LGALS3BP: variants seen among roughly 807,000 people sequenced by gnomAD.
The protein encoded by LGALS3BP is galectin-3-binding protein.
A neutral mutation model predicts 22.9 loss-of-function variants in LGALS3BP; 25 were observed. That is an observed-to-expected ratio of 1.09 (90% CI 0.80 to 1.53). The LOEUF (loss-of-function observed/expected upper bound fraction) is 1.53. LGALS3BP is among the 40% of genes most tolerant of loss of function. The pLI, the probability that LGALS3BP is intolerant of heterozygous loss-of-function variation, is 0.00. For synonymous variants in LGALS3BP, 335 were observed against 331.1 expected, an observed-to-expected ratio of 1.01 and a Z score of -0.13; for missense variants, 718 against 752.0, an observed-to-expected ratio of 0.95 and a Z score of 0.53.
chr17:78,973,300 G>GAT lies in LGALS3BP; in HGVS notation c.377-79_377-78insAT, dbSNP rs1169933244. The GAT allele has an allele frequency of 7.1e-7, 1 of 1,406,476 alleles. No individual in the cohort carries two copies. The highest frequency in any genetic ancestry group is 9.3e-7 in the Non-Finnish European group (1 of 1,071,478). 87.1% of individuals were successfully genotyped at this position (1,406,476 alleles called of 1,614,324 possible). A position where few individuals can be genotyped will look rare whatever the true frequency, so the allele number is the denominator to read the frequency against. Reference sequence around the variant, plus strand: ...CTCTCTGGGGTCAGTGTCTTCATCTGAAAGTGAGGGATTTGTGGCTGCCTC... The same window carrying GAT: ...CTCTCTGGGGTCAGTGTCTTCATCTGATAAAGTGAGGGATTTGTGGCTGCCTC... On this transcript the variant is annotated intron_variant, in intron 4 of 5. Coordinates refer to ENST00000262776, the MANE Select transcript of LGALS3BP (RefSeq NM_005567.4). This position sits in a 1 kb window ranked among gnomAD's most constrained non-coding sequence, Gnocchi z 5.8.
Position 78,976,032 on chromosome 17 carries a change from G to T in LGALS3BP, c.177C>A (p.Ser59Arg). 1 of 1,612,760 alleles carries T rather than the reference G, an allele frequency of 6.2e-7. No homozygotes were observed. The highest frequency in any genetic ancestry group is 1.7e-5 in the Admixed American group (1 of 59,944). ...CDNLWDLTDA[S>R]VVCRALGFEN... ...CGAAGCCCAGGGCCCGGCAGACGAC[G>T]CTGGCATCAGTCAGGTCCCACAGGT... Residue 59 changes from serine to arginine, a missense_variant, in exon 3 of 6, where the codon AGC (serine) becomes AGA (arginine). By Grantham distance (110) the Ser-to-Arg change is moderately radical. Coordinates refer to ENST00000262776, the MANE Select transcript of LGALS3BP (RefSeq NM_005567.4). This position sits in a 1 kb window ranked among gnomAD's most constrained non-coding sequence, Gnocchi z 4.6.
Position 78,976,181 on chromosome 17 carries a change from G to A in LGALS3BP, c.53-25C>T, listed in dbSNP as rs1439125303. The A allele has an allele frequency of 1.5e-5, 23 of 1,533,592 alleles. No homozygotes were observed. The highest frequency in any genetic ancestry group is 1.8e-5 in the Non-Finnish European group (21 of 1,138,502). 95.0% of individuals were successfully genotyped at this position (1,533,592 alleles called of 1,614,324 possible). A position where few individuals can be genotyped will look rare whatever the true frequency, so the allele number is the denominator to read the frequency against. The stretch of plus-strand genomic sequence containing the variant: ...CCTGCAGGCAGAGACCAGCGAGGGC[G>A]AGGCTGGGGCCTGCAGCACCCACCG... On this transcript the variant is annotated intron_variant, in intron 2 of 5. Coordinates refer to ENST00000262776, the MANE Select transcript of LGALS3BP (RefSeq NM_005567.4). The surrounding 1 kb of genome is among the most constrained non-coding windows in gnomAD (Gnocchi z 4.6).
At position 78,972,895 on chromosome 17, in the gene LGALS3BP, G is replaced by A. The variant is rs1470271912; in HGVS notation, c.629+75C>T. On this transcript the variant is annotated intron_variant, in intron 5 of 5. Transcript: ENST00000262776. The surrounding 1 kb of genome is among the most constrained non-coding windows in gnomAD (Gnocchi z 5.1). ...ATGAGTATGTGCAGGTGTGTGTGTGGGGGGCTGTGCTTTTGAAGAGGGGAG... is the reference window on the plus strand; with the variant it reads ...ATGAGTATGTGCAGGTGTGTGTGTGAGGGGCTGTGCTTTTGAAGAGGGGAG... 1 of 1,499,904 alleles carries A rather than the reference G, an allele frequency of 6.7e-7. No individual in the cohort carries two copies. Among genetic ancestry groups the A allele is most frequent in the Non-Finnish European group, 9.0e-7 (1 of 1,108,100 alleles). 92.9% of individuals were successfully genotyped at this position (1,499,904 alleles called of 1,614,324 possible).
chr17:78,972,336 C>G lies in LGALS3BP; in HGVS notation c.998G>C (p.Arg333Pro). The G allele has an allele frequency of 6.2e-7, 1 of 1,613,302 alleles. No homozygotes were observed. Among genetic ancestry groups the G allele is most frequent in the Non-Finnish European group, 8.5e-7 (1 of 1,179,878 alleles). The change falls in exon 6 of 6, where the codon CGT becomes CCT. Residue 333 changes from arginine (R) to proline (P), a missense_variant. By Grantham distance (103) the Arg-to-Pro change is moderately radical. Coordinates refer to ENST00000262776, the MANE Select transcript of LGALS3BP (RefSeq NM_005567.4). This position sits in a 1 kb window ranked among gnomAD's most constrained non-coding sequence, Gnocchi z 5.1. Reference sequence around the variant, plus strand: ...GCCCTCCACCTCCTCATGGGAGGCACGCTCCCCCCAGCTCCAGGTGTCCAC... The same window carrying G: ...GCCCTCCACCTCCTCATGGGAGGCAGGCTCCCCCCAGCTCCAGGTGTCCAC... ...KAVDTWSWGE[R>P]ASHEEVEGLV...
At position 78,973,034 on chromosome 17, in the gene LGALS3BP, G is replaced by A. The variant is rs1371373939; in HGVS notation, c.565C>T (p.Pro189Ser). 2 of 1,613,884 alleles carry A rather than the reference G, an allele frequency of 1.2e-6. No homozygotes were observed. The highest frequency in any genetic ancestry group is 1.7e-5 in the Admixed American group (1 of 59,996). Reference sequence around the variant, plus strand: ...ACACTCATGGTGACATTGCTGCCCGGCTCCTTCCACAGGGCCTGGGCCTCC... The same window carrying A: ...ACACTCATGGTGACATTGCTGCCCGACTCCTTCCACAGGGCCTGGGCCTCC... ...NLEAQALWKE[P>S]GSNVTMSVDA... Residue 189 changes from proline (P) to serine (S), a missense_variant, in exon 5 of 6, where the codon CCG (proline) becomes TCG (serine). Physicochemically the swap from Pro to Ser is moderately conservative, Grantham distance 74 (BLOSUM62 -1). Coordinates refer to ENST00000262776, the MANE Select transcript of LGALS3BP (RefSeq NM_005567.4). This position sits in a 1 kb window ranked among gnomAD's most constrained non-coding sequence, Gnocchi z 5.8.
At position 78,972,931 on chromosome 17, in the gene LGALS3BP, C is replaced by T; in HGVS notation, c.629+39G>A. 1.9e-6 allele frequency: 3 copies of T among 1,572,680 alleles called. No individual in the cohort carries two copies. Among genetic ancestry groups the T allele is most frequent in the South Asian group, 1.2e-5 (1 of 85,034 alleles). ...TTTTGAAGAGGGGAGGAGGACAAAG[C>T]CCCTGGCGGCCCCAGAGCCTGAGGA... On this transcript the variant is annotated intron_variant, in intron 5 of 5. Transcript: ENST00000262776. This position sits in a 1 kb window ranked among gnomAD's most constrained non-coding sequence, Gnocchi z 5.1.
Position 78,971,936 on chromosome 17 carries a change from G to A in LGALS3BP, c.1398C>T (p.His466=), listed in dbSNP as rs768312112. ...TCTTGTCCTGGAAGAGGAAGCTGGG[G>A]TGTTGTGGAGTCTGGAAGGACTGGT... ...YPYQSFQTPQ[H]PSFLFQDKRV... is the part of the protein sequence containing the mutation. The change falls in exon 6 of 6, where the codon CAC becomes CAT. Residue 466 remains histidine (H), a synonymous_variant. Transcript: ENST00000262776. This position sits in a 1 kb window ranked among gnomAD's most constrained non-coding sequence, Gnocchi z 5.6. The A allele has an allele frequency of 3.1e-6, 5 of 1,614,056 alleles. No homozygotes were observed. The highest frequency in any genetic ancestry group is 3.4e-6 in the Non-Finnish European group (4 of 1,180,040).
In LGALS3BP at chr17:78,975,822, A is replaced by T. The variant is rs2070715202; in HGVS notation, c.244+143T>A. ...AAAAAAAAAAAAAAAAAAAAAAAAAAAGTGTTTGCTCTTGCTAAATTAATA... is the reference window on the plus strand; with the variant it reads ...AAAAAAAAAAAAAAAAAAAAAAAAATAGTGTTTGCTCTTGCTAAATTAATA... On this transcript the variant is annotated intron_variant, in intron 3 of 5. Coordinates refer to ENST00000262776, the MANE Select transcript of LGALS3BP (RefSeq NM_005567.4). 2.2e-5 allele frequency: 8 copies of T among 361,364 alleles called. No homozygotes were observed. In the South Asian group the frequency reaches 4.1e-4, roughly 18 times the overall value. 22.4% of individuals were successfully genotyped at this position (361,364 alleles called of 1,614,324 possible).
chr17:78,974,923 T>C, intron 3 of LGALS3BP, 104 bp from the exon 4 acceptor site: 1 of 1,448,854 alleles, frequency 6.9e-7, no homozygotes, highest in South Asian at 1.3e-5. Context: ...TGTGGGTCCA[T>C]CTGCTTACAG....
rs373379706 is a variant in LGALS3BP, at chr17:78,971,858, G to A, written c.1476C>T (p.Tyr492=). 3.9e-5 allele frequency: 63 copies of A among 1,614,058 alleles called. No homozygotes were observed. The highest frequency in any genetic ancestry group is 7.7e-5 in the South Asian group (7 of 91,092). Residue 492 remains tyrosine, a synonymous_variant, in exon 6 of 6, where the codon TAC becomes TAT. Coordinates refer to ENST00000262776, the MANE Select transcript of LGALS3BP (RefSeq NM_005567.4). The surrounding 1 kb of genome is among the most constrained non-coding windows in gnomAD (Gnocchi z 5.6). Reference sequence around the variant, plus strand: ...GCTCGTCCGAGGAGCAGGAGAAGCCGTAGTTCCAGCAGCTCTGGATGGTGG... The same window carrying A: ...GCTCGTCCGAGGAGCAGGAGAAGCCATAGTTCCAGCAGCTCTGGATGGTGG... The part of the protein sequence containing the change: ...YLPTIQSCWN[Y]GFSCSSDELP...
chr17:78,971,531 G>A lies in LGALS3BP; in HGVS notation c.*45C>T. On this transcript the variant is annotated 3_prime_UTR_variant, in exon 6 of 6. Transcript: ENST00000262776. The surrounding 1 kb of genome is among the most constrained non-coding windows in gnomAD (Gnocchi z 5.6). ...CCGAGGAGGGGAGCCTGCAGTGAGGGCGTCCTGGGGTTCTCCGGTTCTCAC... is the reference window on the plus strand; with the variant it reads ...CCGAGGAGGGGAGCCTGCAGTGAGGACGTCCTGGGGTTCTCCGGTTCTCAC... The A allele has an allele frequency of 6.4e-7, 1 of 1,561,852 alleles. No homozygotes were observed. The highest frequency in any genetic ancestry group is 1.2e-5 in the South Asian group (1 of 86,378).
Position 78,974,913 on chromosome 17 carries a change from T to G in LGALS3BP, c.245-94A>C, listed in dbSNP as rs763326143. 833 of 1,505,898 alleles carry G rather than the reference T, an allele frequency of 5.5e-4. 1 individual carries two copies. Among genetic ancestry groups the G allele is most frequent in the Non-Finnish European group, 6.6e-4 (732 of 1,112,488 alleles). 93.3% of individuals were successfully genotyped at this position (1,505,898 alleles called of 1,614,324 possible). A position where few individuals can be genotyped will look rare whatever the true frequency, so the allele number is the denominator to read the frequency against. On this transcript the variant is annotated intron_variant, in intron 3 of 5. Coordinates refer to ENST00000262776, the MANE Select transcript of LGALS3BP (RefSeq NM_005567.4). ...AGCCCTTTGTTCTCCGCCCCGGCCG[T>G]GTGGGTCCATCTGCTTACAGGTCCT...
chr17:78,972,490 A>T lies in LGALS3BP; in HGVS notation c.844T>A (p.Phe282Ile), dbSNP rs765318272. The T allele has an allele frequency of 3.1e-6, 5 of 1,613,308 alleles. No individual in the cohort carries two copies. The highest frequency in any genetic ancestry group is 4.2e-6 in the Non-Finnish European group (5 of 1,179,926). The change falls in exon 6 of 6, where the codon TTC (phenylalanine) becomes ATC (isoleucine). Residue 282 changes from phenylalanine to isoleucine, a missense_variant. Transcript: ENST00000262776. The surrounding 1 kb of genome is among the most constrained non-coding windows in gnomAD (Gnocchi z 5.1). ...DALLEKLCLQ[F>I]LAWNFEALTQ... is the part of the protein sequence containing the mutation. ...AAGGCCTCGAAGTTCCAGGCCAGGA[A>T]CTGTAGGCAGAGCTTCTCCAGCAGG...
At position 78,972,115 on chromosome 17, in the gene LGALS3BP, G is replaced by C; in HGVS notation, c.1219C>G (p.Arg407Gly). 2 of 1,613,186 alleles carry C rather than the reference G, an allele frequency of 1.2e-6. No individual in the cohort carries two copies. The highest frequency in any genetic ancestry group is 1.1e-5 in the South Asian group (1 of 91,070). ...LNLTEDTYKP[R>G]IYTSPTWSAF... ...CTCCAGGTGGGCGAGGTGTAAATCC[G>C]GGGCTTGTAGGTATCCTCGGTGAGG... The change falls in exon 6 of 6, where the codon CGG (arginine) becomes GGG (glycine). Residue 407 changes from arginine to glycine, a missense_variant. Transcript: ENST00000262776. The surrounding 1 kb of genome is among the most constrained non-coding windows in gnomAD (Gnocchi z 5.1).
chr17:78,977,337 T>C (rs2145825506), intron 1 of LGALS3BP, 123 bp from the exon 2 acceptor site: 1 of 727,538 alleles, frequency 1.4e-6, no homozygotes, highest in South Asian at 1.8e-5. Context: ...GTCCCTCTCT[T>C]GCAGAGCCCA....
rs778454792 is a variant in LGALS3BP at position 78,974,689 on chromosome 17, A to C, written c.375T>G (p.Asn125Lys). 1.9e-5 allele frequency: 30 copies of C among 1,613,082 alleles called. No homozygotes were observed. Among genetic ancestry groups the C allele is most frequent in the Non-Finnish European group, 2.3e-5 (27 of 1,179,868 alleles). The change falls in exon 4 of 6, where the codon AAT (asparagine) becomes AAG (lysine). Residue 125 changes from asparagine to lysine, a missense_variant and splice_region_variant. Coordinates refer to ENST00000262776, the MANE Select transcript of LGALS3BP (RefSeq NM_005567.4). ...HERDAGVVCT[N>K]ETRSTHTLDL... Reference sequence around the variant, plus strand: ...GCAGGGAGGTGCGCCCCCGCTCACCATTGGTGCAGACCACACCAGCGTCTC... The same window carrying C: ...GCAGGGAGGTGCGCCCCCGCTCACCCTTGGTGCAGACCACACCAGCGTCTC...
At position 78,976,620 on chromosome 17, in the gene LGALS3BP, G is replaced by A. The variant is rs1039282909; in HGVS notation, c.53-464C>T. 3.9e-5 allele frequency among the ~76,000 whole-genome samples: 6 copies of A among 152,082 alleles called. No homozygotes were observed. The highest frequency in any genetic ancestry group is 5.9e-5 in the Non-Finnish European group (4 of 68,010). On this transcript the variant is annotated intron_variant, in intron 2 of 5. Transcript: ENST00000262776. This position sits in a 1 kb window ranked among gnomAD's most constrained non-coding sequence, Gnocchi z 4.6. ...CCAGGGCAGATAATGGGATTCCCCCGCCCCACATGTCCTTCTGGGACTCAG... is the reference window on the plus strand; with the variant it reads ...CCAGGGCAGATAATGGGATTCCCCCACCCCACATGTCCTTCTGGGACTCAG...
Position 78,971,610 on chromosome 17 carries a change from G to C in LGALS3BP, c.1724C>G (p.Pro575Arg). The change falls in exon 6 of 6, where the codon CCC becomes CGC. Residue 575 changes from proline (P) to arginine (R), a missense_variant. Physicochemically the swap from Pro to Arg is moderately radical, Grantham distance 103. Coordinates refer to ENST00000262776, the MANE Select transcript of LGALS3BP (RefSeq NM_005567.4). The surrounding 1 kb of genome is among the most constrained non-coding windows in gnomAD (Gnocchi z 5.6). ...ACCTGAGGAGTTGGTCAGGTAGAAG[G>C]GGCGGATGACCGTGCGGAAGCCGTT... The part of the protein sequence containing the change: ...HFNGFRTVIR[P>R]FYLTNSSGVD 1 of 1,613,664 alleles carries C rather than the reference G, an allele frequency of 6.2e-7. No homozygotes were observed. Among genetic ancestry groups the C allele is most frequent in the Non-Finnish European group, 8.5e-7 (1 of 1,180,004 alleles).
In LGALS3BP at chr17:78,973,116, C is replaced by T; in HGVS notation, c.483G>A (p.Val161=). 6.2e-7 allele frequency: 1 copy of T among 1,613,466 alleles called. No individual in the cohort carries two copies. Among genetic ancestry groups the T allele is most frequent in the Non-Finnish European group, 8.5e-7 (1 of 1,179,912 alleles). ...AGAAGCCCAGGGCGTCCTCGCCCTG[C>T]ACATTCACGCTGATGGACAGGTCGC... is the stretch of plus-strand genomic sequence containing the variant. ...RGCDLSISVN[V]QGEDALGFCG... Residue 161 remains valine, a synonymous_variant, in exon 5 of 6, where the codon GTG becomes GTA. Transcript: ENST00000262776. This position sits in a 1 kb window ranked among gnomAD's most constrained non-coding sequence, Gnocchi z 5.8.
Sources: allele counts gnomAD v4.1 joint callset (sites outside exome capture counted in the v4.1 genomes callset), GRCh38; gene constraint gnomAD v4.1.1; non-coding constraint Gnocchi (gnomAD v3.1); transcripts MANE v1.5; gene names NCBI Gene and HGNC (gene_info 2026-07-23, HGNC 2026-07-21).